LRRIQ1: variants seen among roughly 807,000 people sequenced by gnomAD.
LRRIQ1 encodes leucine-rich repeat- and IQ domain-containing protein 1.
In LRRIQ1, 210 loss-of-function variants were observed where a neutral mutation model predicts 211.9. That is an observed-to-expected ratio of 0.99 (90% CI 0.89 to 1.11). The LOEUF is 1.11. Among genes scored for constraint, LRRIQ1 ranks in the 50% most tolerant of loss-of-function variants. The probability of loss-of-function intolerance (pLI) is 0.00; values close to 1 mark genes in which losing one functional copy is unlikely to be tolerated. For synonymous variants in LRRIQ1, 699 were observed against 650.1 expected (o/e 1.08, Z -1.14); for missense variants, 2,136 against 1,939.5 (o/e 1.10, Z -1.90).
At chr12:85,141,144 T>C (rs761478219) in intron 19 of LRRIQ1, among the ~76,000 whole-genome samples, 1 of 151,332 alleles carries the variant, frequency 6.6e-6, no homozygotes. Flanking sequence ...ATAAGATTGA[T>C]GTTCTTTGTT....
chr12:85,105,441 C>CT lies in LRRIQ1; in HGVS notation c.3284-1072dup, dbSNP rs926802669. Among the ~76,000 whole-genome samples the CT allele has an allele frequency of 7.6e-4, 115 of 150,852 alleles. No homozygotes were observed. The South Asian group carries it at 9.5e-3, about 12-fold the overall frequency. On this transcript the variant is annotated intron_variant, in intron 14 of 26. Coordinates refer to ENST00000393217, the MANE Select transcript of LRRIQ1 (RefSeq NM_001079910.2). The stretch of plus-strand genomic sequence containing the variant: ...GTTCTAGCCACACTGGTTGAATAAC[C>CT]TTTTTTTTTCATAATCGAATTACTT...
At chr12:85,212,898 G>A (rs1214174963) in intron 24 of LRRIQ1, among the ~76,000 whole-genome samples, 2 of 150,510 alleles carry the variant, frequency 1.3e-5, no homozygotes, top group East Asian at 1.9e-4. Flanking sequence ...AAAGAAACCT[G>A]TAGAAAGAAA....
At chr12:85,262,957 A>T in exon 2 of LRRIQ1, 2 of 987,306 alleles carry the variant, frequency 2.0e-6, no homozygotes, top group Non-Finnish European at 2.4e-6. Context: ...ATAATAACAA[A>T]TACAAGACCT....
chr12:85,171,989 G>A (rs1565883030), intron 24 of LRRIQ1, among the ~76,000 whole-genome samples: 1 of 152,146 alleles, frequency 6.6e-6, no homozygotes, highest in African/African-American at 2.4e-5. Flanking sequence ...GCTTCAAAGT[G>A]CTAAAATAAA....
At chr12:85,170,370 G>T (rs954453680) in intron 24 of LRRIQ1, among the ~76,000 whole-genome samples, 2 of 150,968 alleles carry the variant, frequency 1.3e-5, no homozygotes, top group Non-Finnish European at 3.0e-5. Flanking sequence ...TATTTTCTTA[G>T]TACAAGCATA....
chr12:85,065,227 A>G, intron 8 of LRRIQ1, 35 bp from the exon 9 acceptor site: 2 of 1,536,176 alleles, frequency 1.3e-6, no homozygotes, highest in Non-Finnish European at 1.8e-6. Flanking sequence ...TTTGTTAAAT[A>G]ACACTACACA....
At chr12:85,077,465 C>A (rs1050213416) in intron 11 of LRRIQ1, among the ~76,000 whole-genome samples, 3 of 152,072 alleles carry the variant, frequency 2.0e-5, no homozygotes, top group Admixed American at 2.0e-4. Context: ...TTTGAAAAGG[C>A]TCTTTAATAT....
chr12:85,162,615 G>T, intron 24 of LRRIQ1: 1 of 376,110 alleles, frequency 2.7e-6, no homozygotes, highest in Non-Finnish European at 5.1e-6. Context: ...ATGTATGTAT[G>T]ATATGTTTAT....
At chr12:85,100,172 G>A (rs189948682) in intron 13 of LRRIQ1, among the ~76,000 whole-genome samples, 32 of 151,842 alleles carry the variant, frequency 2.1e-4, no homozygotes, top group African/African-American at 7.0e-4. Context: ...TGGACCTCAA[G>A]CCACATTAAT....
intron 15 of LRRIQ1, among the ~76,000 whole-genome samples, chr12:85,111,962 ACACACACT>A (rs1237959342): frequency 1.3e-5 from 2 of 150,118 alleles, no homozygotes; most frequent in Non-Finnish European, 3.0e-5. Flanking sequence ...ACACACACAC[ACACACACT>A]CTCTCTCTCA....
intron 13 of LRRIQ1, among the ~76,000 whole-genome samples, chr12:85,102,944 CAAA>C (rs761217598): frequency 0.062 from 5,408 of 87,612 alleles, 159 homozygotes; most frequent in Middle Eastern, 0.11. Context: ...CTAATTGTGG[CAAA>C]AAAAAAAAAA....
At chr12:85,064,162 C>T (rs2136048580) in intron 8 of LRRIQ1, among the ~76,000 whole-genome samples, 1 of 151,926 alleles carries the variant, frequency 6.6e-6, no homozygotes, top group African/African-American at 2.4e-5. Flanking sequence ...GTAAGAGGTT[C>T]CCTTTTCTCC....
In LRRIQ1 at chr12:85,124,251, G is replaced by A; in HGVS notation, c.3739G>A (p.Gly1247Arg). The change falls in exon 17 of 27, where the codon GGA becomes AGA. Residue 1247 changes from glycine (G) to arginine (R), a missense_variant. Physicochemically the swap from Gly to Arg is moderately radical, Grantham distance 125. Transcript: ENST00000393217. The stretch of plus-strand genomic sequence containing the variant: ...AAACAGTGACAGCACTCTGCAAAAT[G>A]GAGTCTTCTACTCTTGTGCACGTGA... ...PTNSDSTLQN[G>R]VFYSCAREGE... 1 of 1,614,066 alleles carries A rather than the reference G, an allele frequency of 6.2e-7. No individual in the cohort carries two copies. Among genetic ancestry groups the A allele is most frequent in the Non-Finnish European group, 8.5e-7 (1 of 1,180,010 alleles).
Position 85,137,959 on chromosome 12 carries a change from T to C in LRRIQ1, c.4319T>C (p.Ile1440Thr), listed in dbSNP as rs1889254708. ...AGAGAAATAGATTTAGAGGATTTTATATTTGATGAAGTAAGTACGAACTAT... is the reference window on the plus strand; with the variant it reads ...AGAGAAATAGATTTAGAGGATTTTACATTTGATGAAGTAAGTACGAACTAT... ...EYREIDLEDF[I>T]FDEAALEEEW... is the part of the protein sequence containing the mutation. Residue 1440 changes from isoleucine to threonine, a missense_variant, in exon 19 of 27, where the codon ATA becomes ACA. Physicochemically the swap from Ile to Thr is moderately conservative, Grantham distance 89. Coordinates refer to ENST00000393217, the MANE Select transcript of LRRIQ1 (RefSeq NM_001079910.2). 15 of 1,436,666 alleles carry C rather than the reference T, an allele frequency of 1.0e-5. No homozygotes were observed. Among genetic ancestry groups the C allele is most frequent in the Non-Finnish European group, 1.5e-5 (15 of 1,032,700 alleles). The allele number at this position is 1,436,666 out of a possible 1,614,324, so 89.0% of individuals were successfully genotyped here.
At chr12:85,121,426 T>G (rs947071839) in intron 15 of LRRIQ1, among the ~76,000 whole-genome samples, 2 of 152,174 alleles carry the variant, frequency 1.3e-5, no homozygotes, top group Non-Finnish European at 2.9e-5. Context: ...CAGCCTGAGT[T>G]TCCAAGTTTC....
intron 24 of LRRIQ1, among the ~76,000 whole-genome samples, chr12:85,192,607 AGTT>A (rs1439408834): frequency 0.012 from 1,322 of 111,774 alleles, 220 homozygotes; most frequent in African/African-American, 0.017. Context: ...GTGTATATAT[AGTT>A]ATATACTATA....
At chr12:85,222,353 G>A (rs546728368) in intron 24 of LRRIQ1, among the ~76,000 whole-genome samples, 42 of 152,204 alleles carry the variant, frequency 2.8e-4, no homozygotes, top group African/African-American at 8.2e-4. Flanking sequence ...AAGATGGCAA[G>A]GGAAGAGGGG....
At chr12:85,202,055 T>C (rs1893326043) in intron 24 of LRRIQ1, among the ~76,000 whole-genome samples, 1 of 152,172 alleles carries the variant, frequency 6.6e-6, no homozygotes. Flanking sequence ...CCAAAAGTCA[T>C]TCAGGAGCAG....
At chr12:85,207,070 C>T (rs143043031) in intron 24 of LRRIQ1, among the ~76,000 whole-genome samples, 44 of 152,222 alleles carry the variant, frequency 2.9e-4, no homozygotes, top group African/African-American at 1.0e-3. Flanking sequence ...CCTGGAGGAC[C>T]GTGGGGTGTC....
Sources: gnomAD v4.1 joint callset for allele counts (sites outside exome capture counted in the v4.1 genomes callset) on GRCh38, gnomAD v4.1.1 for gene constraint, MANE v1.5 for transcripts, NCBI Gene and HGNC (gene_info 2026-07-23, HGNC 2026-07-21) for gene names.